Variants in MAPK10 observed in about 807,000 individuals in gnomAD.
MAPK10 encodes the protein mitogen-activated protein kinase 10.
A neutral mutation model predicts 59.3 loss-of-function variants in MAPK10; 25 were observed. That is an observed-to-expected ratio of 0.42 (90% CI 0.31 to 0.59). The LOEUF (loss-of-function observed/expected upper bound fraction) is 0.59, where lower values mean the gene tolerates loss of function less well. MAPK10 is among the 20% of genes least tolerant of loss of function. The pLI is 0.15. For missense variants in MAPK10, 351 were observed against 568.9 expected, an observed-to-expected ratio of 0.62 and a Z score of 3.90; for synonymous variants, 190 against 200.5, an observed-to-expected ratio of 0.95 and a Z score of 0.44.
chr4:86,435,616 G>C (rs531150920), intron 1 of MAPK10, among the ~76,000 whole-genome samples: 2 of 152,244 alleles, frequency 1.3e-5, no homozygotes, highest in Non-Finnish European at 2.9e-5. Context: ...CACAGGCCAT[G>C]ACTAGAGCTC....
intron 2 of MAPK10, among the ~76,000 whole-genome samples, chr4:86,280,575 C>T (rs1003125137): frequency 2.0e-5 from 3 of 152,084 alleles, no homozygotes; most frequent in Non-Finnish European, 4.4e-5. Context: ...ATAGAACTAC[C>T]ATTTAATGGG....
At chr4:86,462,055 C>T (rs921670851) in intron 1 of MAPK10, among the ~76,000 whole-genome samples, 2 of 152,194 alleles carry the variant, frequency 1.3e-5, no homozygotes, top group African/African-American at 4.8e-5. Flanking sequence ...TCAGGCCACT[C>T]CCTCACCCCT....
intron 1 of MAPK10, among the ~76,000 whole-genome samples, chr4:86,568,449 T>C (rs771620359): frequency 6.6e-6 from 1 of 152,128 alleles, no homozygotes. Flanking sequence ...AAAATTCATA[T>C]GGAACCAAAA....
intron 2 of MAPK10, among the ~76,000 whole-genome samples, chr4:86,211,409 A>C (rs1334357959): frequency 6.6e-6 from 1 of 152,132 alleles, no homozygotes; most frequent in East Asian, 1.9e-4. Context: ...TTTGGAGGGC[A>C]GAAGGGAGTG....
At chr4:86,348,870 A>C (rs758253394) in intron 2 of MAPK10, among the ~76,000 whole-genome samples, 1 of 151,888 alleles carries the variant, frequency 6.6e-6, no homozygotes, top group African/African-American at 2.4e-5. Context: ...TTTCCTCTTC[A>C]TTTCTCTTCT....
At chr4:86,323,039 G>T (rs932802764) in intron 2 of MAPK10, among the ~76,000 whole-genome samples, 3 of 152,130 alleles carry the variant, frequency 2.0e-5, no homozygotes, top group African/African-American at 7.2e-5. Context: ...ACTGGGTGTG[G>T]TGGCATGCGC....
intron 2 of MAPK10, among the ~76,000 whole-genome samples, chr4:86,216,372 T>C (rs2087630137): frequency 6.7e-6 from 1 of 149,986 alleles, no homozygotes; most frequent in Admixed American, 6.7e-5. Flanking sequence ...GGAAGGAAAT[T>C]CCGACATGCT....
intron 4 of MAPK10, among the ~76,000 whole-genome samples, chr4:86,121,550 ATTAAT>A (rs1240080198): frequency 6.6e-6 from 1 of 152,144 alleles, no homozygotes; most frequent in Non-Finnish European, 1.5e-5. Flanking sequence ...GTTCTTCTAA[ATTAAT>A]TTTGTTTATT....
At chr4:86,259,078 G>A (rs568071830) in intron 2 of MAPK10, among the ~76,000 whole-genome samples, 2 of 152,092 alleles carry the variant, frequency 1.3e-5, no homozygotes, top group South Asian at 4.2e-4. Context: ...AGTCTCTCTG[G>A]GCTTTTCTCC....
chr4:86,494,563 C>T (rs1178370391), intron 1 of MAPK10, among the ~76,000 whole-genome samples: 1 of 152,050 alleles, frequency 6.6e-6, no homozygotes, highest in Non-Finnish European at 1.5e-5. Flanking sequence ...AAATGCTTCA[C>T]GGCTGGGCGT....
At chr4:86,236,782 A>G (rs1436767030) in intron 2 of MAPK10, among the ~76,000 whole-genome samples, 1 of 152,172 alleles carries the variant, frequency 6.6e-6, no homozygotes, top group Non-Finnish European at 1.5e-5. Flanking sequence ...AGCAGGGAAG[A>G]AGGTGAATGA....
chr4:86,011,699 C>G lies in MAPK10; in HGVS notation c.*5529G>C, dbSNP rs189928724. On this transcript the variant is annotated 3_prime_UTR_variant, in exon 14 of 14. Transcript: ENST00000641462. The stretch of plus-strand genomic sequence containing the variant: ...AGAGAGTAAGGATCTGTGATTTAAA[C>G]TAGGATAGAAGCTGTTCCAGAGATA... 18 of 152,284 alleles carry G rather than the reference C, an allele frequency of 1.2e-4. 1 individual carries two copies. The highest frequency in any genetic ancestry group is 4.6e-4 in the Admixed American group (7 of 15,296). 9.4% of individuals were successfully genotyped at this position (152,284 alleles called of 1,614,324 possible). A position where few individuals can be genotyped will look rare whatever the true frequency, so the allele number is the denominator to read the frequency against.
intron 1 of MAPK10, among the ~76,000 whole-genome samples, chr4:86,427,627 GTTTCA>G (rs1747479675): frequency 6.6e-6 from 1 of 152,188 alleles, no homozygotes; most frequent in Non-Finnish European, 1.5e-5. Context: ...GGATTAAAAT[GTTTCA>G]TTTCAAGACA....
chr4:86,554,404 A>AT (rs1760094550), intron 1 of MAPK10, among the ~76,000 whole-genome samples: 1 of 152,060 alleles, frequency 6.6e-6, no homozygotes, highest in Admixed American at 6.5e-5. Flanking sequence ...AACCTAATAC[A>AT]TTTTTTAAAA....
chr4:86,128,240 G>C (rs1308482866), intron 4 of MAPK10, among the ~76,000 whole-genome samples: 2 of 152,074 alleles, frequency 1.3e-5, no homozygotes, highest in African/African-American at 4.8e-5. Flanking sequence ...ACATACATGA[G>C]TAACTTGATT....
In MAPK10 at chr4:86,071,015, A is replaced by C. The variant is rs1307191519; in HGVS notation, c.803-3060T>G. On this transcript the variant is annotated intron_variant, in intron 9 of 13. Transcript: ENST00000641462. ...CAGTTTACAGTCCCACCAACAGTGT[A>C]AAAGTGTTGCTATTTCTCCACATCC... is the stretch of plus-strand genomic sequence containing the variant. Among the ~76,000 whole-genome samples, 5 of 152,040 alleles carry C rather than the reference A, an allele frequency of 3.3e-5. No individual in the cohort carries two copies. The East Asian group carries it at 9.8e-4, about 30-fold the overall frequency.
intron 1 of MAPK10, among the ~76,000 whole-genome samples, chr4:86,369,841 A>ATAGG (rs1738483477): frequency 6.6e-6 from 1 of 152,220 alleles, no homozygotes; most frequent in Non-Finnish European, 1.5e-5. Context: ...AGAAATATGT[A>ATAGG]TAGGCCAGTC....
At chr4:86,316,937 G>C (rs946020059) in intron 2 of MAPK10, among the ~76,000 whole-genome samples, 4 of 152,190 alleles carry the variant, frequency 2.6e-5, no homozygotes, top group Admixed American at 1.3e-4. Flanking sequence ...ATTTTAAAAA[G>C]CTTCTAATTA....
intron 2 of MAPK10, among the ~76,000 whole-genome samples, chr4:86,260,123 C>A (rs2093927505): frequency 6.6e-6 from 1 of 151,982 alleles, no homozygotes; most frequent in Non-Finnish European, 1.5e-5. Flanking sequence ...CTATCATTTT[C>A]CCCAGTTTCC....
Sources: allele counts gnomAD v4.1 joint callset (sites outside exome capture counted in the v4.1 genomes callset), GRCh38; gene constraint gnomAD v4.1.1; transcripts MANE v1.5; gene names NCBI Gene and HGNC (gene_info 2026-07-23, HGNC 2026-07-21).